Variants in EEA1 observed in about 807,000 individuals in gnomAD.
EEA1 encodes early endosome antigen 1, 162kD.
A neutral mutation model predicts 209.2 loss-of-function variants in EEA1; 111 were observed. That is an observed-to-expected ratio of 0.53 (90% CI 0.45 to 0.62). The LOEUF (loss-of-function observed/expected upper bound fraction) is 0.62, where lower values mean the gene tolerates loss of function less well. Ranked by LOEUF, EEA1 falls within the 20% of genes least tolerant of loss-of-function variation. The pLI, the probability that EEA1 is intolerant of heterozygous loss-of-function variation, is 0.00. For missense variants in EEA1, 1,343 were observed against 1,530.8 expected, an observed-to-expected ratio of 0.88 and a Z score of 2.05; for synonymous variants, 536 against 540.6, an observed-to-expected ratio of 0.99 and a Z score of 0.12.
rs1255335826 is a variant in EEA1 at position 92,922,771 on chromosome 12, A to G, written c.24+6272T>C. Among the ~76,000 whole-genome samples the G allele has an allele frequency of 2.6e-5, 4 of 151,458 alleles. No homozygotes were observed. The East Asian group carries it at 7.8e-4, about 30-fold the overall frequency. On this transcript the variant is annotated intron_variant, in intron 1 of 28. Coordinates refer to ENST00000322349, the MANE Select transcript of EEA1 (RefSeq NM_003566.4). ...AGTTTGAGACCAGCCTGGCCAACAT[A>G]GTGAAACCCCATCTCTACTAAAAAT...
chr12:92,907,975 C>T (rs1470993763), intron 1 of EEA1, among the ~76,000 whole-genome samples: 1 of 152,112 alleles, frequency 6.6e-6, no homozygotes, highest in Non-Finnish European at 1.5e-5. Flanking sequence ...TCCAAACAAA[C>T]AAACAAACAA....
At chr12:92,894,949 A>C (rs947913143) in intron 1 of EEA1, among the ~76,000 whole-genome samples, 7 of 152,192 alleles carry the variant, frequency 4.6e-5, no homozygotes, top group Non-Finnish European at 7.3e-5. Context: ...CAAGCTTCAA[A>C]GAACAGGGTA....
intron 1 of EEA1, among the ~76,000 whole-genome samples, chr12:92,927,501 C>G (rs549128068): frequency 2.6e-5 from 4 of 152,108 alleles, no homozygotes; most frequent in Non-Finnish European, 4.4e-5. Context: ...AACTTTAAAC[C>G]AAGATTACTA....
intron 10 of EEA1, among the ~76,000 whole-genome samples, chr12:92,834,604 A>C (rs1876829297): frequency 6.6e-6 from 1 of 151,164 alleles, no homozygotes; most frequent in African/African-American, 2.4e-5. Flanking sequence ...GACAGACTTA[A>C]AAGTAAGAAG....
At chr12:92,858,427 A>T (rs939419576) in intron 3 of EEA1, 55 of 1,228,160 alleles carry the variant, frequency 4.5e-5, no homozygotes, top group South Asian at 4.3e-4. Flanking sequence ...CAGTCACCAG[A>T]TATTTCTGAA....
At chr12:92,875,880 C>T (rs1484256941) in intron 2 of EEA1, among the ~76,000 whole-genome samples, 2 of 152,090 alleles carry the variant, frequency 1.3e-5, no homozygotes, top group Admixed American at 6.5e-5. Context: ...GTTCCACAGA[C>T]CTGGAAAAAT....
At chr12:92,779,339 T>C in intron 24 of EEA1, 39 bp from the exon 25 acceptor site, 1 of 1,531,948 alleles carries the variant, frequency 6.5e-7, no homozygotes, top group Non-Finnish European at 8.7e-7. Context: ...TCATCCTTCA[T>C]AGTAAATATT....
intron 15 of EEA1, among the ~76,000 whole-genome samples, chr12:92,814,017 AAAAG>A (rs1421283660): frequency 5.3e-5 from 8 of 152,262 alleles, no homozygotes; most frequent in South Asian, 2.1e-4. Flanking sequence ...GTCTCAGAAA[AAAAG>A]AAAGAAAGAA....
At chr12:92,838,487 T>G (rs1386953542) in intron 10 of EEA1, among the ~76,000 whole-genome samples, 1 of 152,212 alleles carries the variant, frequency 6.6e-6, no homozygotes, top group Non-Finnish European at 1.5e-5. Context: ...TGTAGAAGTT[T>G]TCTACGTGTA....
At chr12:92,876,316 GCCTCC>G (rs1878882820) in intron 2 of EEA1, among the ~76,000 whole-genome samples, 1 of 151,988 alleles carries the variant, frequency 6.6e-6, no homozygotes, top group African/African-American at 2.4e-5. Flanking sequence ...TCCCACCACA[GCCTCC>G]CAAAGTGCTG....
intron 11 of EEA1, among the ~76,000 whole-genome samples, chr12:92,831,148 G>A (rs963369544): frequency 2.0e-5 from 3 of 151,972 alleles, no homozygotes; most frequent in Admixed American, 6.6e-5. Context: ...CTAAAGGATA[G>A]AAAGCCATGA....
chr12:92,830,324 A>G (rs1667037527), intron 11 of EEA1, among the ~76,000 whole-genome samples: 1 of 152,002 alleles, frequency 6.6e-6, no homozygotes, highest in South Asian at 2.1e-4. Flanking sequence ...CCCTCCTCCC[A>G]CCTTCCACCC....
chr12:92,789,591 G>A (rs1874304511), intron 21 of EEA1, among the ~76,000 whole-genome samples: 1 of 152,110 alleles, frequency 6.6e-6, no homozygotes, highest in African/African-American at 2.4e-5. Context: ...CATTGCTGAG[G>A]CTTGAGTAGG....
chr12:92,890,506 C>A (rs1484964652), intron 2 of EEA1, among the ~76,000 whole-genome samples: 1 of 152,072 alleles, frequency 6.6e-6, no homozygotes, highest in Non-Finnish European at 1.5e-5. Context: ...TACAAAATAA[C>A]TATCTCAGAA....
chr12:92,891,969 C>G (rs1284676996), intron 1 of EEA1, among the ~76,000 whole-genome samples: 1 of 152,142 alleles, frequency 6.6e-6, no homozygotes, highest in East Asian at 1.9e-4. Context: ...CTTCAAGTCA[C>G]CTTCACAAAA....
Position 92,775,959 on chromosome 12 carries a change from T to C in EEA1, c.*52A>G. On this transcript the variant is annotated 3_prime_UTR_variant, in exon 29 of 29. Coordinates refer to ENST00000322349, the MANE Select transcript of EEA1 (RefSeq NM_003566.4). ...AGTCCAAGACCTCTATTAAGTACATTTATTAAAAATCTAATGTTAGTGTAA... is the reference window on the plus strand; with the variant it reads ...AGTCCAAGACCTCTATTAAGTACATCTATTAAAAATCTAATGTTAGTGTAA... 1 of 1,586,364 alleles carries C rather than the reference T, an allele frequency of 6.3e-7. No individual in the cohort carries two copies. Among genetic ancestry groups the C allele is most frequent in the South Asian group, 1.2e-5 (1 of 86,804 alleles).
chr12:92,838,772 A>G (rs1877037345), intron 10 of EEA1, among the ~76,000 whole-genome samples: 1 of 152,202 alleles, frequency 6.6e-6, no homozygotes, highest in Admixed American at 6.5e-5. Flanking sequence ...GTTCATAGCT[A>G]TAATATTTGA....
intron 17 of EEA1, 136 bp downstream of exon 17, chr12:92,811,143 A>C: frequency 3.9e-6 from 2 of 513,104 alleles, no homozygotes; most frequent in Non-Finnish European, 6.2e-6. Context: ...AAAAATTACA[A>C]GCAATTTTTT....
intron 2 of EEA1, among the ~76,000 whole-genome samples, chr12:92,877,714 T>C (rs1315953937): frequency 6.6e-6 from 1 of 151,974 alleles, no homozygotes; most frequent in Non-Finnish European, 1.5e-5. Flanking sequence ...GGTTTCACCA[T>C]GTTGGTCAGG....
Sources: gnomAD v4.1 joint callset for allele counts (sites outside exome capture counted in the v4.1 genomes callset) on GRCh38, gnomAD v4.1.1 for gene constraint, MANE v1.5 for transcripts, NCBI Gene and HGNC (gene_info 2026-07-23, HGNC 2026-07-21) for gene names.